The following EPHB1 variants were observed in gnomAD, a reference collection of about 807,000 sequenced individuals.
EPHB1 encodes ephrin type-B receptor 1.
EPHB1 carries 30 observed loss-of-function variants against 94.4 expected under a neutral mutation model. That is an observed-to-expected ratio of 0.32 (90% CI 0.24 to 0.43). EPHB1 has a LOEUF of 0.43. Ranked by LOEUF, EPHB1 falls within the 20% of genes least tolerant of loss-of-function variation. The probability of loss-of-function intolerance (pLI) is 1.00; values close to 1 mark genes in which losing one functional copy is unlikely to be tolerated. For missense variants in EPHB1, 1,055 were observed against 1,308.3 expected (o/e 0.81, Z 2.99); for synonymous variants, 522 against 489.1 (o/e 1.07, Z -0.89).
chr3:135,220,543 G>A (rs1943252139), intron 12 of EPHB1, among the ~76,000 whole-genome samples: 1 of 151,104 alleles, frequency 6.6e-6, no homozygotes, highest in South Asian at 2.1e-4. Context: ...CTGCTTGTGA[G>A]TGCAAGGTGC....
chr3:134,891,062 C>T (rs1039070937), intron 1 of EPHB1, among the ~76,000 whole-genome samples: 20 of 152,126 alleles, frequency 1.3e-4, no homozygotes, highest in African/African-American at 4.8e-4. Flanking sequence ...CTACTGTTCC[C>T]ACAACAATGC....
At chr3:135,079,455 C>A (rs775892307) in intron 3 of EPHB1, among the ~76,000 whole-genome samples, 13 of 152,202 alleles carry the variant, frequency 8.5e-5, no homozygotes, top group Non-Finnish European at 1.2e-4. Context: ...CCAACTGGTT[C>A]TTGTAGAGAC....
At chr3:135,137,010 A>T (rs539354243) in intron 5 of EPHB1, among the ~76,000 whole-genome samples, 1 of 152,380 alleles carries the variant, frequency 6.6e-6, no homozygotes, top group African/African-American at 2.4e-5. Context: ...TGGCCGGATC[A>T]TCTGGCTGTC....
chr3:134,959,724 T>C (rs1172287478), intron 3 of EPHB1, among the ~76,000 whole-genome samples: 1 of 151,994 alleles, frequency 6.6e-6, no homozygotes. Context: ...AATCTGAGGC[T>C]CACCAGGGAA....
Position 135,169,644 on chromosome 3 carries a change from T to A in EPHB1, c.1759+2638T>A, listed in dbSNP as rs776404638. On this transcript the variant is annotated intron_variant, in intron 9 of 15. Transcript: ENST00000398015. Reference sequence around the variant, plus strand: ...CAGAAGGGGAAACTGAAGGCTCTGATGGAGGGAGGGCCTGGCCAAAGAGGG... The same window carrying A: ...CAGAAGGGGAAACTGAAGGCTCTGAAGGAGGGAGGGCCTGGCCAAAGAGGG... 2.6e-5 allele frequency among the ~76,000 whole-genome samples: 4 copies of A among 152,202 alleles called. No individual in the cohort carries two copies. In the East Asian group the frequency reaches 7.7e-4, roughly 29 times the overall value.
intron 1 of EPHB1, among the ~76,000 whole-genome samples, chr3:134,836,196 A>T (rs2036671538): frequency 6.6e-6 from 1 of 152,188 alleles, no homozygotes; most frequent in Admixed American, 6.5e-5. Flanking sequence ...CCTTCAAGGC[A>T]CAATTAGATT....
chr3:134,871,735 C>A (rs2037503907), intron 1 of EPHB1, among the ~76,000 whole-genome samples: 1 of 152,118 alleles, frequency 6.6e-6, no homozygotes, highest in African/African-American at 2.4e-5. Context: ...CACGTAGCAC[C>A]CCTTTGTCCT....
chr3:134,954,638 G>A (rs1206185490), intron 3 of EPHB1, among the ~76,000 whole-genome samples: 1 of 152,176 alleles, frequency 6.6e-6, no homozygotes, highest in Non-Finnish European at 1.5e-5. Flanking sequence ...TCATAAAGTT[G>A]TGCTGATTTG....
intron 3 of EPHB1, among the ~76,000 whole-genome samples, chr3:134,988,349 G>T (rs9866987): frequency 0.11 from 16,981 of 152,230 alleles, 1,088 homozygotes; most frequent in South Asian, 0.17. Flanking sequence ...TTAATGAGCA[G>T]TATTGTCATT....
intron 3 of EPHB1, among the ~76,000 whole-genome samples, chr3:135,088,096 G>A (rs185364721): frequency 1.3e-5 from 2 of 152,238 alleles, no homozygotes; most frequent in Admixed American, 1.3e-4. Flanking sequence ...CCCTAAGTGA[G>A]TAGAAAAGAT....
At chr3:134,813,830 A>T (rs1377176293) in intron 1 of EPHB1, among the ~76,000 whole-genome samples, 3 of 152,250 alleles carry the variant, frequency 2.0e-5, no homozygotes, top group African/African-American at 4.8e-5. Context: ...GAGGTGACAC[A>T]TGACAAGGAT....
rs557360010 is a variant in EPHB1 at position 135,038,848 on chromosome 3, A to G, written c.806-67600A>G. ...CTTCCACAGTGTGGAAGGGGACCCCAGCGGGTTGCCAATGCTGGCTCCAGC... is the reference window on the plus strand; with the variant it reads ...CTTCCACAGTGTGGAAGGGGACCCCGGCGGGTTGCCAATGCTGGCTCCAGC... On this transcript the variant is annotated intron_variant, in intron 3 of 15. Coordinates refer to ENST00000398015, the MANE Select transcript of EPHB1 (RefSeq NM_004441.5). 6.6e-5 allele frequency among the ~76,000 whole-genome samples: 10 copies of G among 152,276 alleles called. No individual in the cohort carries two copies. The East Asian group carries it at 1.9e-3, about 29-fold the overall frequency.
chr3:135,027,732 G>A (rs1402214191), intron 3 of EPHB1, among the ~76,000 whole-genome samples: 1 of 145,248 alleles, frequency 6.9e-6, no homozygotes, highest in Non-Finnish European at 1.5e-5. Context: ...AATGATGCTG[G>A]CCTCATAAAA....
intron 1 of EPHB1, among the ~76,000 whole-genome samples, chr3:134,813,436 TTTTGG>T (rs1225203521): frequency 6.6e-6 from 1 of 152,170 alleles, no homozygotes; most frequent in Non-Finnish European, 1.5e-5. Context: ...GACAGGTATC[TTTTGG>T]TTTGGGGCTT....
rs981270896 is a variant in EPHB1, at chr3:134,931,837, CTA to C, written c.123+5959_123+5960del. 1.5e-3 allele frequency among the ~76,000 whole-genome samples: 220 copies of C among 151,654 alleles called. 1 individual carries two copies. Among genetic ancestry groups the C allele is most frequent in the African/African-American group, 4.8e-3 (200 of 41,286 alleles). On this transcript the variant is annotated intron_variant, in intron 2 of 15. Coordinates refer to ENST00000398015, the MANE Select transcript of EPHB1 (RefSeq NM_004441.5). ...TCTGTATATATGTATATATGTGTGT[CTA>C]TGTTTGTACATATGTATATATGTGC...
At chr3:134,795,827 C>T (rs2035813466) in intron 1 of EPHB1, 138 bp downstream of exon 1, 3 of 1,017,488 alleles carry the variant, frequency 2.9e-6, no homozygotes, top group Middle Eastern at 2.5e-4. Flanking sequence ...GGTTTGGGAG[C>T]CTCGGCCGCT....
At chr3:135,248,555 G>T (rs766242249) in intron 14 of EPHB1, 46 bp downstream of exon 14, 18 of 1,507,588 alleles carry the variant, frequency 1.2e-5, no homozygotes, top group Non-Finnish European at 1.6e-5. Context: ...TGGTTTCATG[G>T]TCAGGGGCAT....
chr3:135,188,063 G>T (rs1331831560), intron 10 of EPHB1, among the ~76,000 whole-genome samples: 1 of 151,974 alleles, frequency 6.6e-6, no homozygotes, highest in Non-Finnish European at 1.5e-5. Context: ...GATAAAAGTG[G>T]TGGCACAAGC....
chr3:134,834,133 T>C (rs953292499), intron 1 of EPHB1, among the ~76,000 whole-genome samples: 4 of 151,904 alleles, frequency 2.6e-5, no homozygotes, highest in African/African-American at 9.7e-5. Context: ...GATGAGAAGG[T>C]CCAGGGACCA....
Sources: allele counts gnomAD v4.1 joint callset (sites outside exome capture counted in the v4.1 genomes callset), GRCh38; gene constraint gnomAD v4.1.1; transcripts MANE v1.5; gene names NCBI Gene and HGNC (gene_info 2026-07-23, HGNC 2026-07-21).